Variants in SULT4A1 observed in about 807,000 individuals in gnomAD.
SULT4A1 encodes the protein sulfotransferase family 4A member 1.
In SULT4A1, 11 loss-of-function variants were observed where a neutral mutation model predicts 35.2. The observed-to-expected ratio is 0.31, with a 90% CI of 0.20 to 0.52. SULT4A1 has a LOEUF of 0.52. SULT4A1 is among the 20% of genes least tolerant of loss of function. The pLI is 0.97. For synonymous variants in SULT4A1, 152 were observed against 151.8 expected (o/e 1.00, Z -0.01); for missense variants, 271 against 383.7 (o/e 0.71, Z 2.45).
At chr22:43,831,151 A>G (rs1033517211) in intron 5 of SULT4A1, among the ~76,000 whole-genome samples, 4 of 151,788 alleles carry the variant, frequency 2.6e-5, no homozygotes, top group East Asian at 2.0e-4. Context: ...AGGTCTGACC[A>G]CTTTCACTGG....
At chr22:43,848,337 G>A (rs1227404040) in intron 1 of SULT4A1, among the ~76,000 whole-genome samples, 1 of 152,178 alleles carries the variant, frequency 6.6e-6, no homozygotes, top group Non-Finnish European at 1.5e-5. Context: ...ATCAAGATGG[G>A]GCACCAGCAA....
intron 5 of SULT4A1, among the ~76,000 whole-genome samples, chr22:43,831,354 G>A (rs2063324707): frequency 6.6e-6 from 1 of 151,528 alleles, no homozygotes; most frequent in Admixed American, 6.6e-5. Flanking sequence ...ACCTTCTCAT[G>A]TTGGGGCCTC....
At chr22:43,838,780 G>A (rs569239128) in intron 4 of SULT4A1, 87 bp downstream of exon 4, 62 of 1,563,094 alleles carry the variant, frequency 4.0e-5, no homozygotes, top group East Asian at 3.4e-4. Context: ...ACTGGAGACC[G>A]TGTCGGGGAA....
At chr22:43,862,190 G>A in intron 1 of SULT4A1, 24 bp downstream of exon 1, 2 of 1,485,638 alleles carry the variant, frequency 1.3e-6, no homozygotes, top group Non-Finnish European at 9.0e-7. Flanking sequence ...ATGGCGTGGC[G>A]GGCGCGGTCG....
intron 5 of SULT4A1, among the ~76,000 whole-genome samples, chr22:43,830,657 GGCACCCC>G (rs1569502780): frequency 6.6e-6 from 1 of 152,212 alleles, no homozygotes; most frequent in Non-Finnish European, 1.5e-5. Context: ...TTGCAGTCAG[GGCACCCC>G]GTGACTGGTG....
chr22:43,841,525 A>G (rs957961196), intron 2 of SULT4A1, among the ~76,000 whole-genome samples: 1 of 152,108 alleles, frequency 6.6e-6, no homozygotes, highest in Non-Finnish European at 1.5e-5. Flanking sequence ...GGGGAGGCCC[A>G]GGGCCTGCTC....
intron 1 of SULT4A1, among the ~76,000 whole-genome samples, chr22:43,849,877 A>G (rs1319296002): frequency 1.3e-5 from 2 of 152,132 alleles, no homozygotes; most frequent in East Asian, 1.9e-4. Context: ...AGCTGGGTTA[A>G]AAGAGCACTG....
In SULT4A1 at chr22:43,849,991, G is replaced by A. The variant is rs139420878; in HGVS notation, c.170-8059C>T. Reference sequence around the variant, plus strand: ...CTCCCTGGAGGGTGGAACGAAGGAGGTTTGAGTGAGTGGAGTCCACCCCTG... The same window carrying A: ...CTCCCTGGAGGGTGGAACGAAGGAGATTTGAGTGAGTGGAGTCCACCCCTG... On this transcript the variant is annotated intron_variant, in intron 1 of 6. Coordinates refer to ENST00000330884, the MANE Select transcript of SULT4A1 (RefSeq NM_014351.4). Among the ~76,000 whole-genome samples, 263 of 152,338 alleles carry A rather than the reference G, an allele frequency of 1.7e-3. 2 individuals carry two copies. The highest frequency in any genetic ancestry group is 1.9e-3 in the Non-Finnish European group (128 of 68,028).
Position 43,862,479 on chromosome 22 carries a change from C to A in SULT4A1, c.-97G>T. 1 of 962,536 alleles carries A rather than the reference C, an allele frequency of 1.0e-6. No homozygotes were observed. Among genetic ancestry groups the A allele is most frequent in the Non-Finnish European group, 1.2e-6 (1 of 811,844 alleles). 59.6% of individuals were successfully genotyped at this position (962,536 alleles called of 1,614,324 possible). A position where few individuals can be genotyped will look rare whatever the true frequency, so the allele number is the denominator to read the frequency against. ...CCCGCGCCCCGCACACGCTCGCGCC[C>A]CACCGGCGCGCGGCGGCAGCTCCGC... On this transcript the variant is annotated 5_prime_UTR_variant, in exon 1 of 7. Coordinates refer to ENST00000330884, the MANE Select transcript of SULT4A1 (RefSeq NM_014351.4).
intron 1 of SULT4A1, among the ~76,000 whole-genome samples, chr22:43,842,590 T>A (rs1031801306): frequency 6.6e-6 from 1 of 152,058 alleles, no homozygotes; most frequent in Non-Finnish European, 1.5e-5. Context: ...ACAGATAGGA[T>A]GTGACGGAAC....
chr22:43,851,186 A>G (rs562764421), intron 1 of SULT4A1, among the ~76,000 whole-genome samples: 2 of 152,162 alleles, frequency 1.3e-5, no homozygotes, highest in Non-Finnish European at 2.9e-5. Flanking sequence ...AACCTCCACC[A>G]TCACACTTTT....
At position 43,851,280 on chromosome 22, in the gene SULT4A1, C is replaced by T. The variant is rs991069238; in HGVS notation, c.170-9348G>A. ...AGTGAAAGCAACACGTGTCTTGACG[C>T]TCAGAGGATACTGCAAAGACTTATG... On this transcript the variant is annotated intron_variant, in intron 1 of 6. Transcript: ENST00000330884. Among the ~76,000 whole-genome samples, 3 of 152,268 alleles carry T rather than the reference C, an allele frequency of 2.0e-5. No individual in the cohort carries two copies. In the South Asian group the frequency reaches 6.2e-4, roughly 32 times the overall value.
intron 6 of SULT4A1, among the ~76,000 whole-genome samples, chr22:43,828,070 A>C (rs373045550): frequency 2.5e-4 from 38 of 152,274 alleles, no homozygotes; most frequent in South Asian, 1.2e-3. Context: ...GGCCTGACCT[A>C]TGTTGCGTTC....
In SULT4A1 at chr22:43,862,355, TG is replaced by T; in HGVS notation, c.27del (p.Ser10AlafsTer59). On this transcript the variant is annotated frameshift_variant, in exon 1 of 7. Transcript: ENST00000330884. MAESEAET[P>X]STPGEFESKY... ...TTGCTCTCGAACTCCCCCGGGGTGC[TG>T]GGGGTCTCGGCCTCGCTCTCCGCCA... 1.3e-6 allele frequency: 2 copies of T among 1,504,430 alleles called. No individual in the cohort carries two copies. The highest frequency in any genetic ancestry group is 8.9e-7 in the Non-Finnish European group (1 of 1,119,824). 93.2% of individuals were successfully genotyped at this position (1,504,430 alleles called of 1,614,324 possible).
chr22:43,850,578 T>C (rs935927717), intron 1 of SULT4A1, among the ~76,000 whole-genome samples: 7 of 152,212 alleles, frequency 4.6e-5, no homozygotes, highest in South Asian at 2.1e-4. Context: ...TGTTTGCTGC[T>C]TGGGGACATG....
At position 43,833,699 on chromosome 22, in the gene SULT4A1, A is replaced by G; in HGVS notation, c.544T>C (p.Phe182Leu). Residue 182 changes from phenylalanine (F) to leucine (L), a missense_variant, in exon 5 of 7, where the codon TTC becomes CTC. Around this residue, in one of 3 missense-constraint regions of SULT4A1, gnomAD observed 164 missense variants for 254.1 expected, o/e 0.65. Coordinates refer to ENST00000330884, the MANE Select transcript of SULT4A1 (RefSeq NM_014351.4). ...YGSWFEHVQEFWEHRMDSNVL... is the reference protein window; with the variant it reads ...YGSWFEHVQELWEHRMDSNVL... ...TTCGAGTCCATGCGGTGCTCCCAGA[A>G]CTCCTGCACGTGCTCAAACCAGGAG... is the stretch of plus-strand genomic sequence containing the variant. 1 of 1,584,118 alleles carries G rather than the reference A, an allele frequency of 6.3e-7. No individual in the cohort carries two copies. The highest frequency in any genetic ancestry group is 8.6e-7 in the Non-Finnish European group (1 of 1,164,678).
At chr22:43,832,644 C>A (rs1209700821) in intron 5 of SULT4A1, among the ~76,000 whole-genome samples, 1 of 152,004 alleles carries the variant, frequency 6.6e-6, no homozygotes, top group Non-Finnish European at 1.5e-5. Flanking sequence ...GTGCACACAC[C>A]ACCCGCCCCA....
chr22:43,860,394 A>G lies in SULT4A1; in HGVS notation c.169+1820T>C, dbSNP rs557416848. Among the ~76,000 whole-genome samples the G allele has an allele frequency of 2.0e-5, 3 of 152,342 alleles. No homozygotes were observed. The South Asian group carries it at 6.2e-4, about 32-fold the overall frequency. ...AGGTGTTCAGGGCTTAAAAGTCAGC[A>G]TTAACCACGAGCCTTTCCAGCGTGT... On this transcript the variant is annotated intron_variant, in intron 1 of 6. Coordinates refer to ENST00000330884, the MANE Select transcript of SULT4A1 (RefSeq NM_014351.4).
intron 1 of SULT4A1, among the ~76,000 whole-genome samples, chr22:43,846,885 T>C (rs1425939260): frequency 1.3e-5 from 2 of 152,146 alleles, no homozygotes; most frequent in Non-Finnish European, 2.9e-5. Context: ...ATCACCTATT[T>C]TTCACGTTCC....
Sources: allele counts gnomAD v4.1 joint callset (sites outside exome capture counted in the v4.1 genomes callset), GRCh38; gene constraint gnomAD v4.1.1; regional missense constraint gnomAD v4.1.1; transcripts MANE v1.5; gene names NCBI Gene and HGNC (gene_info 2026-07-23, HGNC 2026-07-21).